TENM4: variants seen among roughly 807,000 people sequenced by gnomAD.
TENM4 encodes the protein teneurin transmembrane protein 4, also known as teneurin-4.
In TENM4, 82 loss-of-function variants were observed where a neutral mutation model predicts 243.3. The ratio of observed to expected loss-of-function variants is 0.34; its 90% CI spans 0.28 to 0.40. The LOEUF (loss-of-function observed/expected upper bound fraction) is 0.40, where lower values mean the gene tolerates loss of function less well. Ranked by LOEUF, TENM4 falls within the 10% of genes least tolerant of loss-of-function variation. TENM4 has a pLI of 1.00. For missense variants in TENM4, 3,138 were observed against 3,673.3 expected (o/e 0.85, Z 3.77); for synonymous variants, 1,412 against 1,456.3 (o/e 0.97, Z 0.69).
intron 7 of TENM4, among the ~76,000 whole-genome samples, chr11:78,893,104 T>C (rs1855705267): frequency 6.6e-6 from 1 of 152,262 alleles, no homozygotes; most frequent in Non-Finnish European, 1.5e-5. Flanking sequence ...CGTGAAGCAC[T>C]GTCTGGGCCA....
chr11:78,706,912 T>C (rs1859268164), intron 27 of TENM4, among the ~76,000 whole-genome samples: 1 of 152,130 alleles, frequency 6.6e-6, no homozygotes, highest in Admixed American at 6.5e-5. Flanking sequence ...CTGCCAAAAC[T>C]GCAAAGACGA....
chr11:79,294,487 C>T (rs1010027941), intron 2 of TENM4, among the ~76,000 whole-genome samples: 63 of 152,278 alleles, frequency 4.1e-4, no homozygotes, highest in Non-Finnish European at 2.9e-4. Flanking sequence ...CAGGCTTGTG[C>T]AGGACACACC....
At chr11:79,296,905 G>A (rs1331920640) in intron 2 of TENM4, among the ~76,000 whole-genome samples, 1 of 152,202 alleles carries the variant, frequency 6.6e-6, no homozygotes, top group East Asian at 1.9e-4. Context: ...TGATTGGGTT[G>A]TGAACTCCTC....
intron 6 of TENM4, among the ~76,000 whole-genome samples, chr11:78,942,590 T>C (rs1479394688): frequency 6.6e-6 from 1 of 152,192 alleles, no homozygotes; most frequent in Non-Finnish European, 1.5e-5. Context: ...GGGCAAAGGC[T>C]GACCGACCTC....
intron 2 of TENM4, among the ~76,000 whole-genome samples, chr11:79,225,532 C>T (rs1035434002): frequency 1.3e-5 from 2 of 152,196 alleles, no homozygotes; most frequent in Admixed American, 1.3e-4. Context: ...AGTCTCCCAC[C>T]TCAGCCTCCT....
rs781109252 is a variant in TENM4 at position 79,403,868 on chromosome 11, TACTC to T, written c.-321+36637_-321+36640del. On this transcript the variant is annotated intron_variant, in intron 1 of 33. Coordinates refer to ENST00000278550, the MANE Select transcript of TENM4 (RefSeq NM_001098816.3). ...TTATCTCATTTAATCCTCTGCAAAA[TACTC>T]ACAATGATCACCCTTTCAAAGATGC... Among the ~76,000 whole-genome samples, 83 of 152,294 alleles carry T rather than the reference TACTC, an allele frequency of 5.4e-4. 1 individual carries two copies. Among genetic ancestry groups the T allele is most frequent in the Non-Finnish European group, 9.6e-4 (65 of 68,030 alleles).
intron 1 of TENM4, among the ~76,000 whole-genome samples, chr11:79,320,237 G>C (rs1219980958): frequency 6.6e-6 from 1 of 152,156 alleles, no homozygotes; most frequent in Non-Finnish European, 1.5e-5. Flanking sequence ...CAAGATCCCT[G>C]AGCTGTGCAT....
chr11:79,395,327 T>C lies in TENM4; in HGVS notation c.-321+45182A>G, dbSNP rs548453772. ...CTAAAATTGACACATCAGGTGATAG[T>C]TGAGTGCCTACTATATTCCAGGGCC... On this transcript the variant is annotated intron_variant, in intron 1 of 33. Coordinates refer to ENST00000278550, the MANE Select transcript of TENM4 (RefSeq NM_001098816.3). Among the ~76,000 whole-genome samples the C allele has an allele frequency of 1.1e-3, 160 of 152,330 alleles. 1 individual carries two copies. The highest frequency in any genetic ancestry group is 3.7e-3 in the African/African-American group (154 of 41,578).
At chr11:79,099,486 T>A (rs870333) in intron 4 of TENM4, among the ~76,000 whole-genome samples, 125,636 of 152,076 alleles carry the variant, frequency 0.83, 52,568 homozygotes, top group Middle Eastern at 0.97. Flanking sequence ...TGGGTCTATA[T>A]CAAAGAGGTG....
At chr11:78,902,172 T>C (rs960132333) in intron 7 of TENM4, among the ~76,000 whole-genome samples, 2 of 152,194 alleles carry the variant, frequency 1.3e-5, no homozygotes, top group Non-Finnish European at 2.9e-5. Context: ...GGACACTTCA[T>C]CTACAGTTTA....
At chr11:78,673,317 T>C (rs1441905723) in intron 30 of TENM4, among the ~76,000 whole-genome samples, 1 of 152,232 alleles carries the variant, frequency 6.6e-6, no homozygotes. Context: ...GGAACTAAAA[T>C]ACTGGTTTCC....
At chr11:79,138,114 G>T (rs1377508735) in intron 4 of TENM4, among the ~76,000 whole-genome samples, 2 of 151,126 alleles carry the variant, frequency 1.3e-5, no homozygotes, top group East Asian at 3.9e-4. Context: ...TAAGCCGGCA[G>T]AAAAATGTAA....
chr11:79,003,884 GA>G (rs375889288), intron 6 of TENM4, among the ~76,000 whole-genome samples: 22 of 151,702 alleles, frequency 1.5e-4, no homozygotes, highest in African/African-American at 5.1e-4. Context: ...TTGTCTTCAA[GA>G]GACCATCTCA....
intron 12 of TENM4, among the ~76,000 whole-genome samples, chr11:78,815,039 G>C (rs491728): frequency 6.6e-6 from 1 of 152,048 alleles, no homozygotes; most frequent in Admixed American, 6.5e-5. Context: ...ACCCTTCAAG[G>C]GCTCCCCATT....
chr11:79,349,829 AAC>A (rs1352001566), intron 1 of TENM4, among the ~76,000 whole-genome samples: 5 of 152,202 alleles, frequency 3.3e-5, no homozygotes, highest in African/African-American at 7.2e-5. Flanking sequence ...TAGATACAGA[AAC>A]ACAGTCCAGA....
intron 6 of TENM4, among the ~76,000 whole-genome samples, chr11:78,999,295 C>T (rs1343182189): frequency 1.3e-5 from 2 of 152,080 alleles, no homozygotes; most frequent in African/African-American, 2.4e-5. Context: ...GGGTGGATCA[C>T]GAGGTCAGGA....
chr11:78,724,722 C>T (rs144814125), intron 23 of TENM4, among the ~76,000 whole-genome samples: 60 of 152,336 alleles, frequency 3.9e-4, no homozygotes, highest in Non-Finnish European at 7.1e-4. Context: ...CGATCCCTGG[C>T]TCCAAGGCAG....
chr11:79,014,463 G>A (rs560583436), intron 6 of TENM4: 3 of 152,302 alleles, frequency 2.0e-5, no homozygotes, highest in Non-Finnish European at 2.9e-5. Context: ...GCCCTCAGAC[G>A]AAACCAATAC....
chr11:79,379,922 G>A (rs1053850461), intron 1 of TENM4, among the ~76,000 whole-genome samples: 2 of 152,162 alleles, frequency 1.3e-5, no homozygotes. Flanking sequence ...AGACTGGCTT[G>A]TCAGGGGCTG....
Sources: allele counts gnomAD v4.1 joint callset (sites outside exome capture counted in the v4.1 genomes callset), GRCh38; gene constraint gnomAD v4.1.1; transcripts MANE v1.5; gene names NCBI Gene and HGNC (gene_info 2026-07-23, HGNC 2026-07-21).